Variants in MYO10 observed in about 807,000 individuals in gnomAD.
MYO10 encodes the protein myosin X.
In MYO10, 133 loss-of-function variants were observed where a neutral mutation model predicts 257.3. The observed-to-expected ratio is 0.52, with a 90% CI of 0.45 to 0.60. The LOEUF is 0.60. Among genes scored for constraint, MYO10 ranks in the 20% least tolerant of loss-of-function variants. The pLI is 0.00. For synonymous variants in MYO10, 1,104 were observed against 1,028.6 expected, an observed-to-expected ratio of 1.07 and a Z score of -1.40; for missense variants, 2,399 against 2,635.7, an observed-to-expected ratio of 0.91 and a Z score of 1.97.
chr5:16,848,404 C>T (rs1055361131), intron 2 of MYO10, among the ~76,000 whole-genome samples: 1 of 152,048 alleles, frequency 6.6e-6, no homozygotes, highest in African/African-American at 2.4e-5. Context: ...AGGTGATCCG[C>T]CTGCTTCGGC....
intron 18 of MYO10, among the ~76,000 whole-genome samples, chr5:16,756,087 A>T (rs896408405): frequency 2.0e-5 from 3 of 152,074 alleles, no homozygotes; most frequent in African/African-American, 7.2e-5. Flanking sequence ...TTATTTATTT[A>T]TTTGAGACAG....
intron 9 of MYO10, among the ~76,000 whole-genome samples, chr5:16,772,589 A>G (rs1188885224): frequency 6.6e-6 from 1 of 152,228 alleles, no homozygotes; most frequent in Admixed American, 6.5e-5. Flanking sequence ...ACTAGTTCCA[A>G]TAGTTACTGT....
intron 1 of MYO10, among the ~76,000 whole-genome samples, chr5:16,886,069 C>A (rs1302413917): frequency 6.6e-6 from 1 of 152,208 alleles, no homozygotes; most frequent in African/African-American, 2.4e-5. Context: ...AGCTGGCAAT[C>A]ATTTCTGAAG....
chr5:16,736,454 G>C (rs1739807494), intron 19 of MYO10, among the ~76,000 whole-genome samples: 5 of 152,174 alleles, frequency 3.3e-5, no homozygotes, highest in Admixed American at 3.3e-4. Context: ...AGAGTTTTCA[G>C]AGGTTGTACA....
At chr5:16,847,459 G>A (rs1329947026) in intron 2 of MYO10, among the ~76,000 whole-genome samples, 5 of 151,678 alleles carry the variant, frequency 3.3e-5, no homozygotes, top group Non-Finnish European at 7.4e-5. Context: ...AGGGCCAGGT[G>A]CAATCACTCA....
intron 3 of MYO10, 131 bp from the exon 4 acceptor site, chr5:16,794,964 C>G (rs7737987): frequency 0.13 from 81,573 of 612,092 alleles, 6,316 homozygotes; most frequent in South Asian, 0.26. Context: ...CTGTCCCTGC[C>G]TTTCTGGGTA....
rs767892423 is a variant in MYO10 at position 16,676,137 on chromosome 5, C to T, written c.4560G>A (p.Ser1520=). 23 of 1,612,558 alleles carry T rather than the reference C, an allele frequency of 1.4e-5. No homozygotes were observed. Among genetic ancestry groups the T allele is most frequent in the Middle Eastern group, 1.7e-4 (1 of 6,060 alleles). The change falls in exon 34 of 41, where the codon TCG becomes TCA. Residue 1520 remains serine (S), a synonymous_variant. Coordinates refer to ENST00000513610, the MANE Select transcript of MYO10 (RefSeq NM_012334.3). ...GCTTGTAAATCTGTTCCACCACATC[C>T]GAGTTCAGGCAGTTCTCCTAAAAAT... ...IQDIKENCLN[S]DVVEQIYKRN...
At chr5:16,688,661 A>T (rs1579828857) in intron 28 of MYO10, among the ~76,000 whole-genome samples, 2 of 151,498 alleles carry the variant, frequency 1.3e-5, no homozygotes, top group Non-Finnish European at 2.9e-5. Flanking sequence ...AATTGCTTGA[A>T]CCTGGAAGGT....
chr5:16,717,993 C>A (rs563362035), intron 19 of MYO10, among the ~76,000 whole-genome samples: 308 of 152,312 alleles, frequency 2.0e-3, no homozygotes, highest in Non-Finnish European at 3.7e-3. Flanking sequence ...GCAGCGCTTG[C>A]GGGCCAGCTG....
chr5:16,781,700 G>T lies in MYO10; in HGVS notation c.727+5C>A. 1 of 1,612,678 alleles carries T rather than the reference G, an allele frequency of 6.2e-7. No homozygotes were observed. The highest frequency in any genetic ancestry group is 2.2e-5 in the East Asian group (1 of 44,864). On this transcript the variant is annotated splice_donor_5th_base_variant and intron_variant, in intron 6 of 40. Transcript: ENST00000513610. ...CTATAGATAAAAATAAATGAAAGAG[G>T]ATACAATCTACAATTCTCCCGCCCT...
At chr5:16,670,015 T>C (rs1174130375) in intron 39 of MYO10, among the ~76,000 whole-genome samples, 1 of 152,192 alleles carries the variant, frequency 6.6e-6, no homozygotes, top group African/African-American at 2.4e-5. Context: ...TTTGCCAAAC[T>C]CTCATCTAGA....
chr5:16,916,962 A>C (rs1183650140), intron 1 of MYO10, among the ~76,000 whole-genome samples: 1 of 152,156 alleles, frequency 6.6e-6, no homozygotes, highest in African/African-American at 2.4e-5. Context: ...TCTTTCTTTC[A>C]TCTCAGAAAT....
At chr5:16,782,791 C>G (rs1271294585) in intron 5 of MYO10, among the ~76,000 whole-genome samples, 1 of 152,124 alleles carries the variant, frequency 6.6e-6, no homozygotes, top group Admixed American at 6.6e-5. Flanking sequence ...TGACACCTAG[C>G]CCTCTTTCTA....
chr5:16,687,581 A>C (rs1220413355), intron 28 of MYO10, among the ~76,000 whole-genome samples: 1 of 151,942 alleles, frequency 6.6e-6, no homozygotes, highest in Non-Finnish European at 1.5e-5. Flanking sequence ...GGCATGTTTA[A>C]GTTAAAAAAA....
At chr5:16,766,530 C>G (rs1358477597) in intron 10 of MYO10, among the ~76,000 whole-genome samples, 1 of 151,802 alleles carries the variant, frequency 6.6e-6, no homozygotes, top group Admixed American at 6.6e-5. Context: ...CCCGGGTTCA[C>G]GCCATTCTCC....
chr5:16,870,160 T>C (rs998275232), intron 2 of MYO10, among the ~76,000 whole-genome samples: 1 of 151,218 alleles, frequency 6.6e-6, no homozygotes, highest in Non-Finnish European at 1.5e-5. Flanking sequence ...GCCCAACTCC[T>C]GGCCGCTGGA....
At chr5:16,783,910 G>A (rs25904) in intron 4 of MYO10, among the ~76,000 whole-genome samples, 142,314 of 152,250 alleles carry the variant, frequency 0.93, 66,777 homozygotes, top group Non-Finnish European at 0.98. Flanking sequence ...TCATTCATGA[G>A]TAATACTGAG....
chr5:16,685,642 T>C (rs1262512850), intron 29 of MYO10, 96 bp downstream of exon 29: 5 of 936,358 alleles, frequency 5.3e-6, no homozygotes, highest in Non-Finnish European at 8.2e-6. Flanking sequence ...AAAGACTGTC[T>C]GGAAATTCCC....
chr5:16,933,099 C>T (rs1288543236), intron 1 of MYO10, among the ~76,000 whole-genome samples: 1 of 152,206 alleles, frequency 6.6e-6, no homozygotes, highest in Non-Finnish European at 1.5e-5. Context: ...AAGGCTGTGC[C>T]TGCAACACAA....
Sources: allele counts gnomAD v4.1 joint callset (sites outside exome capture counted in the v4.1 genomes callset), GRCh38; gene constraint gnomAD v4.1.1; transcripts MANE v1.5; gene names NCBI Gene and HGNC (gene_info 2026-07-23, HGNC 2026-07-21).